BMERB1: variants seen among roughly 807,000 people sequenced by gnomAD.
The protein encoded by BMERB1 is bMERB domain-containing protein 1.
A neutral mutation model predicts 23.6 loss-of-function variants in BMERB1; 12 were observed. The ratio of observed to expected loss-of-function variants is 0.51; its 90% confidence interval spans 0.33 to 0.82. The LOEUF is 0.82. Ranked by LOEUF, BMERB1 falls within the 40% of genes least tolerant of loss-of-function variation. BMERB1 has a pLI of 0.03. For synonymous variants in BMERB1, 122 were observed against 96.6 expected, an observed-to-expected ratio of 1.26 and a Z score of -1.54; for missense variants, 247 against 255.4, an observed-to-expected ratio of 0.97 and a Z score of 0.22.
intron 2 of BMERB1, among the ~76,000 whole-genome samples, chr16:15,527,147 T>C (rs529655494): frequency 2.8e-4 from 42 of 152,234 alleles, no homozygotes; most frequent in African/African-American, 8.7e-4. Flanking sequence ...AGAACATTCA[T>C]ACTGTGTGTA....
At chr16:15,564,785 A>G (rs2030518809) in intron 2 of BMERB1, among the ~76,000 whole-genome samples, 1 of 152,254 alleles carries the variant, frequency 6.6e-6, no homozygotes, top group Non-Finnish European at 1.5e-5. Flanking sequence ...AAACCTAATC[A>G]GATGGTTAGA....
At chr16:15,492,097 C>T (rs2051426481) in intron 1 of BMERB1, among the ~76,000 whole-genome samples, 1 of 152,244 alleles carries the variant, frequency 6.6e-6, no homozygotes, top group African/African-American at 2.4e-5. Context: ...CATCCACCAG[C>T]AGACCCTGTG....
intron 1 of BMERB1, among the ~76,000 whole-genome samples, chr16:15,469,107 G>A (rs1272775912): frequency 6.6e-6 from 1 of 151,652 alleles, no homozygotes; most frequent in Non-Finnish European, 1.5e-5. Flanking sequence ...GGGACTACAA[G>A]TGCGTGCCAC....
intron 3 of BMERB1, among the ~76,000 whole-genome samples, chr16:15,574,916 T>G (rs1195206604): frequency 6.6e-6 from 1 of 152,052 alleles, no homozygotes; most frequent in African/African-American, 2.4e-5. Flanking sequence ...CCGTCTCTAC[T>G]AAAATTACAA....
chr16:15,563,256 C>G (rs542400889), intron 2 of BMERB1, among the ~76,000 whole-genome samples: 3 of 152,154 alleles, frequency 2.0e-5, no homozygotes, highest in African/African-American at 7.2e-5. Flanking sequence ...GGGACGGAGA[C>G]TCGCTCTGTT....
chr16:15,576,953 CA>C (rs2030879088), intron 3 of BMERB1, among the ~76,000 whole-genome samples: 1 of 152,130 alleles, frequency 6.6e-6, no homozygotes, highest in Admixed American at 6.5e-5. Context: ...CAGACTGCAC[CA>C]AATTTTATAG....
At chr16:15,554,398 C>T (rs2030185331) in intron 2 of BMERB1, among the ~76,000 whole-genome samples, 1 of 152,154 alleles carries the variant, frequency 6.6e-6, no homozygotes. Flanking sequence ...AATCCAGAGC[C>T]TGACACCAAT....
chr16:15,534,041 T>C (rs1216911625), intron 2 of BMERB1, among the ~76,000 whole-genome samples: 1 of 151,880 alleles, frequency 6.6e-6, no homozygotes, highest in Non-Finnish European at 1.5e-5. Context: ...AATATGAAAC[T>C]CAGATGCTTC....
chr16:15,502,280 A>G (rs927586027), intron 1 of BMERB1: 1 of 1,551,262 alleles, frequency 6.4e-7, no homozygotes, highest in Non-Finnish European at 8.7e-7. Context: ...AATCATAGCC[A>G]GGATGTGAAG....
intron 1 of BMERB1, among the ~76,000 whole-genome samples, chr16:15,488,736 C>T (rs1031902169): frequency 6.7e-5 from 10 of 149,014 alleles, no homozygotes; most frequent in Admixed American, 2.7e-4. Flanking sequence ...CCAGGTACCC[C>T]GGAGGCTGAG....
At chr16:15,480,481 T>C (rs1249808517) in intron 1 of BMERB1, among the ~76,000 whole-genome samples, 1 of 152,102 alleles carries the variant, frequency 6.6e-6, no homozygotes, top group Non-Finnish European at 1.5e-5. Context: ...TAGTCTATCC[T>C]ATCCCTACTA....
At chr16:15,464,286 C>G (rs1218391374) in intron 1 of BMERB1, among the ~76,000 whole-genome samples, 1 of 143,254 alleles carries the variant, frequency 7.0e-6, no homozygotes, top group African/African-American at 2.6e-5. Context: ...GCACTTCAGT[C>G]TGGGCGACAG....
At position 15,515,408 on chromosome 16, in the gene BMERB1, G is replaced by T; in HGVS notation, c.210G>T (p.Arg70=). The part of the protein sequence containing the change: ...IQRLREVLVR[R]ESELRFMMDD... ...GTCTCCGGGAAGTCTTGGTCCGCCG[G>T]GAGTCTGAGCTCAGGTTCATGTGAG... Residue 70 remains arginine, a synonymous_variant, in exon 2 of 6, where the codon CGG becomes CGT. Transcript: ENST00000300006. 6.2e-7 allele frequency: 1 copy of T among 1,613,972 alleles called. No individual in the cohort carries two copies. Among genetic ancestry groups the T allele is most frequent in the Non-Finnish European group, 8.5e-7 (1 of 1,179,980 alleles).
chr16:15,537,433 C>T (rs2150961627), intron 2 of BMERB1, among the ~76,000 whole-genome samples: 1 of 149,852 alleles, frequency 6.7e-6, no homozygotes, highest in African/African-American at 2.5e-5. Context: ...TGGCTCACTG[C>T]AACCTTGTCT....
intron 1 of BMERB1, among the ~76,000 whole-genome samples, chr16:15,477,831 G>T (rs144043129): frequency 1.3e-5 from 2 of 152,070 alleles, no homozygotes; most frequent in East Asian, 3.9e-4. Flanking sequence ...TGCCACGAGT[G>T]CCCAAAGTCC....
At chr16:15,490,048 T>C (rs1461174690) in intron 1 of BMERB1, among the ~76,000 whole-genome samples, 2 of 152,058 alleles carry the variant, frequency 1.3e-5, no homozygotes, top group African/African-American at 4.8e-5. Flanking sequence ...GTATTTTTTG[T>C]AGAGACGGAG....
intron 1 of BMERB1, among the ~76,000 whole-genome samples, chr16:15,452,319 A>ACAGG (rs2051049155): frequency 3.3e-5 from 1 of 30,590 alleles, no homozygotes; most frequent in Non-Finnish European, 6.5e-5. Context: ...GAAGGGAGAG[A>ACAGG]GAGGGAGGGA....
chr16:15,441,483 G>A (rs1234399210), intron 1 of BMERB1, among the ~76,000 whole-genome samples: 3 of 151,906 alleles, frequency 2.0e-5, no homozygotes, highest in African/African-American at 7.3e-5. Flanking sequence ...TCCTGGGTCC[G>A]AGCGATTCTT....
At chr16:15,495,191 C>G (rs1328046898) in intron 1 of BMERB1, among the ~76,000 whole-genome samples, 1 of 150,242 alleles carries the variant, frequency 6.7e-6, no homozygotes, top group Non-Finnish European at 1.5e-5. Context: ...GCCTAATTTA[C>G]TTTTATTATT....
Sources: gnomAD v4.1 joint callset for allele counts (sites outside exome capture counted in the v4.1 genomes callset) on GRCh38, gnomAD v4.1.1 for gene constraint, MANE v1.5 for transcripts, NCBI Gene and HGNC (gene_info 2026-07-23, HGNC 2026-07-21) for gene names.